Variants in ERC2 observed in about 807,000 individuals in gnomAD.
The protein encoded by ERC2 is ERC protein 2.
ERC2 carries 42 observed loss-of-function variants against 114.8 expected under a neutral mutation model. That is an observed-to-expected ratio of 0.37 (90% CI 0.29 to 0.47). The LOEUF is 0.47. Among genes scored for constraint, ERC2 ranks in the 20% least tolerant of loss-of-function variants. The probability of loss-of-function intolerance (pLI) is 0.99; values close to 1 mark genes in which losing one functional copy is unlikely to be tolerated. For synonymous variants in ERC2, 454 were observed against 425.5 expected, an observed-to-expected ratio of 1.07 and a Z score of -0.82; for missense variants, 939 against 1,150.7, an observed-to-expected ratio of 0.82 and a Z score of 2.66.
chr3:55,821,430 C>T (rs948752476), intron 14 of ERC2, among the ~76,000 whole-genome samples: 5 of 152,176 alleles, frequency 3.3e-5, no homozygotes, highest in Admixed American at 6.5e-5. Context: ...GCTACTAAGA[C>T]AAATTCCACT....
chr3:55,742,072 A>G (rs1169970534), intron 14 of ERC2, among the ~76,000 whole-genome samples: 1 of 151,882 alleles, frequency 6.6e-6, no homozygotes, highest in African/African-American at 2.4e-5. Context: ...TAAAACACCA[A>G]AAAAAATGGT....
intron 3 of ERC2, among the ~76,000 whole-genome samples, chr3:56,291,235 C>T (rs1024522122): frequency 1.3e-5 from 2 of 152,150 alleles, no homozygotes; most frequent in East Asian, 3.8e-4. Context: ...ACAAGGTAAA[C>T]GTCAAACAAT....
Position 55,622,481 on chromosome 3 carries a change from A to G in ERC2, c.*39+61313T>C, listed in dbSNP as rs75917020. Reference sequence around the variant, plus strand: ...TAAAAAGTACAACATCTACTTGGCCAAAGGAAGATAAAAGTGTGGAAAATA... The same window carrying G: ...TAAAAAGTACAACATCTACTTGGCCGAAGGAAGATAAAAGTGTGGAAAATA... On this transcript the variant is annotated intron_variant, in intron 17 of 17. Coordinates refer to ENST00000288221, the MANE Select transcript of ERC2 (RefSeq NM_015576.3). 7.4e-3 allele frequency among the ~76,000 whole-genome samples: 1,121 copies of G among 152,278 alleles called. 9 individuals carry two copies. Among genetic ancestry groups the G allele is most frequent in the Non-Finnish European group, 9.3e-3 (633 of 68,018 alleles).
chr3:55,834,074 T>C (rs983482791), intron 14 of ERC2, among the ~76,000 whole-genome samples: 3 of 151,692 alleles, frequency 2.0e-5, no homozygotes, highest in African/African-American at 7.3e-5. Context: ...CCTAAATATA[T>C]ATGCACCCAA....
intron 1 of ERC2, among the ~76,000 whole-genome samples, chr3:56,448,576 A>G (rs1559516815): frequency 6.6e-6 from 1 of 152,192 alleles, no homozygotes; most frequent in Non-Finnish European, 1.5e-5. Flanking sequence ...TGAACTCTGC[A>G]GCATGCAAGC....
At chr3:55,858,237 C>T (rs1469772783) in intron 14 of ERC2, among the ~76,000 whole-genome samples, 1 of 152,184 alleles carries the variant, frequency 6.6e-6, no homozygotes, top group Admixed American at 6.5e-5. Context: ...TCCTATTAAA[C>T]ACAGCATTCT....
chr3:56,327,553 G>A (rs2057418132), intron 2 of ERC2, among the ~76,000 whole-genome samples: 1 of 152,194 alleles, frequency 6.6e-6, no homozygotes, highest in Admixed American at 6.5e-5. Context: ...GCCCACACCT[G>A]TAGTCCCAGC....
At chr3:56,261,476 C>T (rs1447578792) in intron 3 of ERC2, among the ~76,000 whole-genome samples, 1 of 152,114 alleles carries the variant, frequency 6.6e-6, no homozygotes, top group Non-Finnish European at 1.5e-5. Context: ...TCCTCTGATC[C>T]TCCCTGCCTC....
intron 17 of ERC2, among the ~76,000 whole-genome samples, chr3:55,514,510 T>C (rs1324214362): frequency 6.6e-6 from 1 of 152,238 alleles, no homozygotes; most frequent in Non-Finnish European, 1.5e-5. Context: ...AGACGCCCTT[T>C]AATAGCAGAG....
In ERC2 at chr3:55,566,314, C is replaced by T. The variant is rs1048477102; in HGVS notation, c.*40-55038G>A. 4.1e-4 allele frequency among the ~76,000 whole-genome samples: 63 copies of T among 152,234 alleles called. 1 individual carries two copies. The highest frequency in any genetic ancestry group is 3.4e-3 in the Middle Eastern group (1 of 294). On this transcript the variant is annotated intron_variant, in intron 17 of 17. Coordinates refer to ENST00000288221, the MANE Select transcript of ERC2 (RefSeq NM_015576.3). Reference sequence around the variant, plus strand: ...ACTAAGTGCCAGGTACTATTTGATGCGCAAGGAACAAAGTAGGCAAATAGC... The same window carrying T: ...ACTAAGTGCCAGGTACTATTTGATGTGCAAGGAACAAAGTAGGCAAATAGC...
intron 2 of ERC2, 144 bp from the exon 3 acceptor site, chr3:56,296,579 T>C: frequency 1.2e-6 from 1 of 808,460 alleles, no homozygotes; most frequent in Non-Finnish European, 1.9e-6. Context: ...TCCTCCACGG[T>C]GACTTCAGAA....
chr3:56,333,600 A>C (rs942545541), intron 2 of ERC2, among the ~76,000 whole-genome samples: 1 of 152,210 alleles, frequency 6.6e-6, no homozygotes, highest in Admixed American at 6.5e-5. Flanking sequence ...TCACAAAGAC[A>C]CTCCAAAATG....
chr3:56,154,267 C>A (rs1037445969), intron 4 of ERC2, among the ~76,000 whole-genome samples: 11 of 152,060 alleles, frequency 7.2e-5, no homozygotes, highest in African/African-American at 2.4e-4. Flanking sequence ...CCAAAAAAAT[C>A]AAAAACTCGC....
intron 12 of ERC2, among the ~76,000 whole-genome samples, chr3:55,978,989 C>T (rs913949617): frequency 7.2e-5 from 11 of 152,182 alleles, no homozygotes; most frequent in Admixed American, 2.6e-4. Flanking sequence ...CTCAGCAAGG[C>T]GATAGGACAC....
intron 14 of ERC2, among the ~76,000 whole-genome samples, chr3:55,773,969 T>TACCCCTGTC (rs1393330195): frequency 6.6e-6 from 1 of 152,202 alleles, no homozygotes; most frequent in Non-Finnish European, 1.5e-5. Flanking sequence ...TTTGGGTTGC[T>TACCCCTGTC]ACCCCTGTCT....
At chr3:56,458,683 G>T (rs1225408029) in intron 1 of ERC2, among the ~76,000 whole-genome samples, 1 of 152,032 alleles carries the variant, frequency 6.6e-6, no homozygotes, top group Non-Finnish European at 1.5e-5. Flanking sequence ...CCAACCTCCT[G>T]CTTCCTGTCA....
At chr3:55,537,147 C>T (rs1011744289) in intron 17 of ERC2, among the ~76,000 whole-genome samples, 2 of 152,196 alleles carry the variant, frequency 1.3e-5, no homozygotes, top group East Asian at 1.9e-4. Context: ...TGGGCTCCAC[C>T]GACACCGGTA....
chr3:56,462,239 A>T (rs2063346866), intron 1 of ERC2, among the ~76,000 whole-genome samples: 1 of 152,230 alleles, frequency 6.6e-6, no homozygotes, highest in East Asian at 1.9e-4. Context: ...TTCTGGGCAA[A>T]TGTGAAGCCA....
At chr3:56,151,817 G>T (rs1019826569) in intron 4 of ERC2, among the ~76,000 whole-genome samples, 1 of 152,070 alleles carries the variant, frequency 6.6e-6, no homozygotes, top group Non-Finnish European at 1.5e-5. Context: ...GAAACTCGAC[G>T]CGCTAATCTG....
Sources: allele counts gnomAD v4.1 joint callset (sites outside exome capture counted in the v4.1 genomes callset), GRCh38; gene constraint gnomAD v4.1.1; transcripts MANE v1.5; gene names NCBI Gene and HGNC (gene_info 2026-07-23, HGNC 2026-07-21).